Variants in METTL15 observed in about 807,000 individuals in gnomAD.
The protein encoded by METTL15 is 12S rRNA N(4)-cytidine methyltransferase METTL15.
Under a neutral mutation model 38.3 loss-of-function variants are expected in METTL15, and 34 were observed. The ratio of observed to expected loss-of-function variants is 0.89; its 90% CI spans 0.68 to 1.18. The LOEUF is 1.18. Ranked by LOEUF, METTL15 falls within the 50% of genes most tolerant of loss-of-function variation. The pLI is 0.00. For synonymous variants in METTL15, 162 were observed against 170.9 expected (o/e 0.95, Z 0.41); for missense variants, 438 against 498.4 (o/e 0.88, Z 1.15).
intron 3 of METTL15, among the ~76,000 whole-genome samples, chr11:28,349,371 G>C (rs942937701): frequency 1.2e-4 from 18 of 152,198 alleles, no homozygotes. Flanking sequence ...ATCTGGGCAG[G>C]CTACCTTTTC....
At chr11:28,428,525 C>T (rs116360760) in intron 6 of METTL15, among the ~76,000 whole-genome samples, 2,712 of 152,230 alleles carry the variant, frequency 0.018, 82 homozygotes, top group African/African-American at 0.061. Context: ...CTTCTACATG[C>T]AGAGCTCTAG....
chr11:28,208,802 G>A (rs981558516), intron 3 of METTL15, among the ~76,000 whole-genome samples: 1 of 151,970 alleles, frequency 6.6e-6, no homozygotes, highest in African/African-American at 2.4e-5. Context: ...CCTAGAAGAA[G>A]GAGTAAACTA....
intron 3 of METTL15, among the ~76,000 whole-genome samples, chr11:28,143,169 T>C (rs1849758097): frequency 6.6e-6 from 1 of 152,026 alleles, no homozygotes; most frequent in African/African-American, 2.4e-5. Context: ...ACAGCCAGAA[T>C]AGGGTTTCAA....
chr11:28,315,994 C>T (rs775318159), intron 6 of METTL15, among the ~76,000 whole-genome samples: 5 of 152,234 alleles, frequency 3.3e-5, no homozygotes, highest in South Asian at 4.1e-4. Context: ...TCATGGAGAA[C>T]GTCTGCTAGA....
chr11:28,147,466 G>GTTATAATTTAATTGGCAGTACC (rs1849927514), intron 3 of METTL15, among the ~76,000 whole-genome samples: 1 of 151,364 alleles, frequency 6.6e-6, no homozygotes, highest in Non-Finnish European at 1.5e-5. Flanking sequence ...TTGATGACAT[G>GTTATAATTTAATTGGCAGTACC]TTATAATTTA....
intron 6 of METTL15, among the ~76,000 whole-genome samples, chr11:28,316,293 T>A (rs1343520339): frequency 6.6e-6 from 1 of 152,138 alleles, no homozygotes; most frequent in African/African-American, 2.4e-5. Context: ...TCAAAGGAGA[T>A]CATTTTGGAG....
chr11:28,210,066 G>T (rs377334495), intron 3 of METTL15, among the ~76,000 whole-genome samples: 1 of 151,930 alleles, frequency 6.6e-6, no homozygotes, highest in African/African-American at 2.4e-5. Context: ...CAACTAACTT[G>T]TACACACATA....
intron 3 of METTL15, among the ~76,000 whole-genome samples, chr11:28,195,152 A>G (rs573051646): frequency 6.6e-6 from 1 of 152,138 alleles, no homozygotes. Context: ...ATTGTACTGC[A>G]ATAAACATAT....
intron 4 of METTL15, among the ~76,000 whole-genome samples, chr11:28,267,917 G>A (rs1213675909): frequency 6.6e-6 from 1 of 152,060 alleles, no homozygotes; most frequent in Admixed American, 6.6e-5. Context: ...TAAAATATTG[G>A]CCGGGCGCGG....
chr11:28,273,718 A>C (rs1855734135), intron 4 of METTL15, among the ~76,000 whole-genome samples: 1 of 152,104 alleles, frequency 6.6e-6, no homozygotes, highest in Non-Finnish European at 1.5e-5. Flanking sequence ...ATATGTATTA[A>C]TGTTAGTAAA....
At chr11:28,182,663 G>A (rs952358034) in intron 3 of METTL15, among the ~76,000 whole-genome samples, 1 of 152,044 alleles carries the variant, frequency 6.6e-6, no homozygotes, top group African/African-American at 2.4e-5. Context: ...CTGTAGCCTT[G>A]TGGTATAGTT....
At chr11:28,265,361 A>T (rs1263844845) in intron 4 of METTL15, among the ~76,000 whole-genome samples, 1 of 151,870 alleles carries the variant, frequency 6.6e-6, no homozygotes, top group African/African-American at 2.4e-5. Flanking sequence ...TGCTGAAAGT[A>T]GATGCTCACT....
chr11:28,354,486 A>G (rs2133363775), intron 4 of METTL15, among the ~76,000 whole-genome samples: 1 of 152,292 alleles, frequency 6.6e-6, no homozygotes, highest in East Asian at 1.9e-4. Context: ...TTTTAGATTT[A>G]TTTTTAATAT....
At chr11:28,213,284 A>G (rs1430873506) in intron 4 of METTL15, among the ~76,000 whole-genome samples, 1 of 152,164 alleles carries the variant, frequency 6.6e-6, no homozygotes, top group Non-Finnish European at 1.5e-5. Flanking sequence ...AGTATAAACA[A>G]AAAAAGAAGA....
chr11:28,457,677 C>G (rs1851180591), intron 6 of METTL15, among the ~76,000 whole-genome samples: 1 of 152,214 alleles, frequency 6.6e-6, no homozygotes, highest in Admixed American at 6.5e-5. Flanking sequence ...CAGCCACCTG[C>G]AGAGCTGAGG....
At chr11:28,480,362 G>A (rs1477492347) in intron 6 of METTL15, among the ~76,000 whole-genome samples, 1 of 152,194 alleles carries the variant, frequency 6.6e-6, no homozygotes, top group Non-Finnish European at 1.5e-5. Flanking sequence ...CCATTATATA[G>A]TATTTCCATC....
downstream of METTL15, among the ~76,000 whole-genome samples, chr11:28,335,982 A>C (rs185886128): frequency 1.4e-3 from 217 of 152,312 alleles, 1 homozygote; most frequent in Non-Finnish European, 2.5e-3. Context: ...CACTGAGTAC[A>C]TAGTGCTATT....
intron 5 of METTL15, among the ~76,000 whole-genome samples, chr11:28,396,609 G>A (rs1254383185): frequency 6.6e-6 from 1 of 152,042 alleles, no homozygotes; most frequent in Non-Finnish European, 1.5e-5. Context: ...AAAAATGGAA[G>A]AATATTCCAT....
chr11:28,484,589 G>T (rs1451589047), intron 6 of METTL15, among the ~76,000 whole-genome samples: 1 of 152,026 alleles, frequency 6.6e-6, no homozygotes, highest in Non-Finnish European at 1.5e-5. Context: ...TGGGGGATCT[G>T]CTTTTGGCTC....
Sources: gnomAD v4.1 joint callset for allele counts (sites outside exome capture counted in the v4.1 genomes callset) on GRCh38, gnomAD v4.1.1 for gene constraint, MANE v1.5 for transcripts, NCBI Gene and HGNC (gene_info 2026-07-23, HGNC 2026-07-21) for gene names.